UNC80: variants seen among roughly 807,000 people sequenced by gnomAD.
The protein encoded by UNC80 is protein unc-80 homolog.
In UNC80, 164 loss-of-function variants were observed where a neutral mutation model predicts 384.6. The observed-to-expected ratio is 0.43, with a 90% confidence interval of 0.38 to 0.49. The LOEUF is 0.49. Among genes scored for constraint, UNC80 ranks in the 20% least tolerant of loss-of-function variants. UNC80 has a pLI of 0.00. For synonymous variants in UNC80, 1,486 were observed against 1,527.8 expected (o/e 0.97, Z 0.64); for missense variants, 3,330 against 4,143.0 (o/e 0.80, Z 5.39).
At chr2:209,896,505 A>G in intron 28 of UNC80, 92 bp downstream of exon 28, 1 of 1,018,904 alleles carries the variant, frequency 9.8e-7, no homozygotes, top group South Asian at 1.4e-5. Context: ...ATACTAAATC[A>G]TCAATCCGAT....
intron 6 of UNC80, among the ~76,000 whole-genome samples, chr2:209,790,508 T>A (rs2153825546): frequency 6.6e-6 from 1 of 152,326 alleles, no homozygotes; most frequent in Middle Eastern, 3.4e-3. Flanking sequence ...CTTGACAATC[T>A]TTGGCCCCTT....
chr2:209,798,709 G>T (rs1191053224), intron 7 of UNC80, among the ~76,000 whole-genome samples: 3 of 150,094 alleles, frequency 2.0e-5, no homozygotes, highest in Admixed American at 6.7e-5. Flanking sequence ...ATGGAGTCTT[G>T]CTCTGTCACC....
intron 20 of UNC80, among the ~76,000 whole-genome samples, chr2:209,841,500 G>A (rs1044180134): frequency 3.9e-5 from 6 of 151,944 alleles, no homozygotes; most frequent in South Asian, 4.2e-4. Flanking sequence ...GGACTAGTGC[G>A]TGCCACCATG....
chr2:209,984,638 A>G (rs2093242496), intron 60 of UNC80, among the ~76,000 whole-genome samples: 1 of 152,120 alleles, frequency 6.6e-6, no homozygotes, highest in Admixed American at 6.5e-5. Context: ...TGAGAGTTGT[A>G]TCCATCCAAA....
chr2:209,832,653 G>T (rs1245392458), intron 16 of UNC80, among the ~76,000 whole-genome samples: 24 of 152,204 alleles, frequency 1.6e-4, no homozygotes, highest in Admixed American at 1.6e-3. Flanking sequence ...TTTTCTTGGA[G>T]CTTGAGTGTA....
chr2:209,940,764 C>T (rs1458028650), intron 43 of UNC80, among the ~76,000 whole-genome samples: 3 of 152,136 alleles, frequency 2.0e-5, no homozygotes, highest in Non-Finnish European at 4.4e-5. Context: ...TTGCAGTGAG[C>T]CGAGATTGCG....
chr2:209,994,452 T>C (rs2093448997), intron 64 of UNC80, among the ~76,000 whole-genome samples, 188 bp downstream of exon 64: 1 of 152,188 alleles, frequency 6.6e-6, no homozygotes, highest in Non-Finnish European at 1.5e-5. Context: ...ATATATCTGC[T>C]TAAGAAGGAC....
intron 31 of UNC80, among the ~76,000 whole-genome samples, chr2:209,915,431 C>T (rs1383950241): frequency 2.2e-5 from 3 of 139,094 alleles, no homozygotes; most frequent in African/African-American, 8.0e-5. Flanking sequence ...AAAACAAAAA[C>T]TGGGTGAATG....
At position 209,834,164 on chromosome 2, in the gene UNC80, A is replaced by G. The variant is rs1382185509; in HGVS notation, c.2938A>G (p.Lys980Glu). The change falls in exon 17 of 65, where the codon AAA (lysine) becomes GAA (glutamate). Residue 980 changes from lysine to glutamate, a missense_variant. Physicochemically the swap from Lys to Glu is moderately conservative, Grantham distance 56. This residue lies in a region of UNC80 where 801 missense variants were observed against 950.8 expected (regional missense o/e 0.84). Coordinates refer to ENST00000673920, the MANE Select transcript of UNC80 (RefSeq NM_001371986.1). ...NEQESKPAGS[K>E]RSEAGSIVDK... Reference sequence around the variant, plus strand: ...ACAGGAATCTAAGCCTGCAGGCAGTAAAAGGTTGGAAGCTTGAACTCTCTG... The same window carrying G: ...ACAGGAATCTAAGCCTGCAGGCAGTGAAAGGTTGGAAGCTTGAACTCTCTG... 4.5e-6 allele frequency: 7 copies of G among 1,551,328 alleles called. No individual in the cohort carries two copies. Among genetic ancestry groups the G allele is most frequent in the East Asian group, 2.4e-5 (1 of 40,930 alleles).
At chr2:209,926,566 C>T (rs749864871) in intron 35 of UNC80, among the ~76,000 whole-genome samples, 17 of 152,042 alleles carry the variant, frequency 1.1e-4, no homozygotes, top group South Asian at 2.1e-4. Flanking sequence ...TGCTTGAGCC[C>T]GGTAGTTCAA....
At chr2:209,922,709 T>C (rs1486800204) in intron 35 of UNC80, among the ~76,000 whole-genome samples, 1 of 152,180 alleles carries the variant, frequency 6.6e-6, no homozygotes, top group African/African-American at 2.4e-5. Context: ...AAAAGAAAGT[T>C]CCTAAGACCA....
chr2:209,837,973 G>T (rs554665370), intron 18 of UNC80, among the ~76,000 whole-genome samples: 10 of 151,986 alleles, frequency 6.6e-5, no homozygotes, highest in African/African-American at 2.2e-4. Flanking sequence ...GGGTTTCGCC[G>T]TGTTAGCCAG....
chr2:209,872,955 C>A lies in UNC80; in HGVS notation c.3825C>A (p.Phe1275Leu). The A allele has an allele frequency of 6.4e-7, 1 of 1,551,672 alleles. No homozygotes were observed. Among genetic ancestry groups the A allele is most frequent in the South Asian group, 1.2e-5 (1 of 84,042 alleles). The change falls in exon 23 of 65, where the codon TTC becomes TTA. Residue 1275 changes from phenylalanine (F) to leucine (L), a missense_variant. This residue lies in a region of UNC80 where 801 missense variants were observed against 950.8 expected (regional missense o/e 0.84). Transcript: ENST00000673920. The surrounding 1 kb of genome is among the most constrained non-coding windows in gnomAD (Gnocchi z 4.1). ...TGCAGTGGAATGCAGCCAAGCTCTT[C>A]TACCAATGGGGAGACGTGAGCTTTC... ...QKLQWNAAKLFYQWGDAIGVR... is the reference protein window; with the variant it reads ...QKLQWNAAKLLYQWGDAIGVR...
chr2:209,779,977 G>A (rs2215626), intron 4 of UNC80, among the ~76,000 whole-genome samples: 147,611 of 152,316 alleles, frequency 0.97, 71,701 homozygotes, highest in East Asian at 1. Context: ...TAATTTATAA[G>A]CCTCCATTTT....
chr2:209,829,447 G>A (rs1180404193), intron 15 of UNC80, 68 bp downstream of exon 15: 2 of 1,501,214 alleles, frequency 1.3e-6, no homozygotes, highest in Admixed American at 4.0e-5. Context: ...GTTTCAAGGG[G>A]ACACTAAATT....
At chr2:209,849,733 T>C (rs1464681436) in intron 22 of UNC80, 110 bp downstream of exon 22, 1 of 1,190,258 alleles carries the variant, frequency 8.4e-7, no homozygotes, top group Non-Finnish European at 1.1e-6. Context: ...TTTGTTTGCT[T>C]TTTCAGAATT....
Position 209,888,138 on chromosome 2 carries a change from G to C in UNC80, c.4154G>C (p.Arg1385Pro). The change falls in exon 26 of 65, where the codon CGG (arginine) becomes CCG (proline). Residue 1385 changes from arginine to proline, a missense_variant. Arg to Pro is a moderately radical substitution (Grantham distance 103). This residue lies in a region of UNC80 where 801 missense variants were observed against 950.8 expected (regional missense o/e 0.84). Transcript: ENST00000673920. ...CTTCGTTTGGATCCCGAGTTGGACC[G>C]GCACAGATATGAGAGGAAGATCAGC... The part of the protein sequence containing the change: ...CRLRLDPELD[R>P]HRYERKISFA... The C allele has an allele frequency of 2.6e-6, 4 of 1,551,612 alleles. No homozygotes were observed. Among genetic ancestry groups the C allele is most frequent in the Non-Finnish European group, 2.6e-6 (3 of 1,146,986 alleles).
intron 22 of UNC80, among the ~76,000 whole-genome samples, chr2:209,859,170 C>T (rs112191369): frequency 2.2e-4 from 34 of 151,948 alleles, no homozygotes; most frequent in African/African-American, 7.7e-4. Context: ...GACTCATCCT[C>T]TAAGTTTCCT....
chr2:209,870,820 C>T (rs1001387185), intron 22 of UNC80, among the ~76,000 whole-genome samples: 1 of 152,068 alleles, frequency 6.6e-6, no homozygotes, highest in East Asian at 1.9e-4. Context: ...TCTGCCTGTC[C>T]AGGGAAGGGA....
Sources: gnomAD v4.1 joint callset for allele counts (sites outside exome capture counted in the v4.1 genomes callset) on GRCh38, gnomAD v4.1.1 for gene constraint, gnomAD v4.1.1 regional missense constraint, Gnocchi (gnomAD v3.1) non-coding constraint, MANE v1.5 for transcripts, NCBI Gene and HGNC (gene_info 2026-07-23, HGNC 2026-07-21) for gene names.